The following ANG variants were observed in gnomAD, a reference collection of about 807,000 sequenced individuals.
The protein encoded by ANG is Homo sapiens epididymis luminal protein 168.
For missense variants in ANG, 178 were observed against 187.4 expected, an observed-to-expected ratio of 0.95 and a Z score of 0.29; for synonymous variants, 74 against 73.8, an observed-to-expected ratio of 1.00 and a Z score of -0.02.
upstream of ANG, chr14:20,688,724 T>A: frequency 7.1e-6 from 7 of 985,164 alleles, no homozygotes; most frequent in Non-Finnish European, 7.2e-6. Flanking sequence ...CTGCCAGGAC[T>A]GGGACACTAT....
In ANG at chr14:20,693,538, C is replaced by T. The variant is rs1217696213; in HGVS notation, c.-18-9C>T. 1 of 1,609,678 alleles carries T rather than the reference C, an allele frequency of 6.2e-7. No homozygotes were observed. Among genetic ancestry groups the T allele is most frequent in the South Asian group, 1.1e-5 (1 of 90,982 alleles). On this transcript the variant is annotated splice_polypyrimidine_tract_variant and intron_variant, in intron 1 of 1. Transcript: ENST00000397990. The stretch of plus-strand genomic sequence containing the variant: ...TTGGGTCTACCACACCTCCTTTTGC[C>T]CTCCGCAGGAGCCTGTGTTGGAAGA...
At chr14:20,689,920 A>G (rs1886629536) in intron 1 of ANG, among the ~76,000 whole-genome samples, 1 of 150,700 alleles carries the variant, frequency 6.6e-6, no homozygotes, top group African/African-American at 2.4e-5. Flanking sequence ...TGTCTCAAAA[A>G]AAAAAAAAAA....
At chr14:20,685,600 T>C (rs1158542888), upstream of ANG, among the ~76,000 whole-genome samples, 2 of 152,224 alleles carry the variant, frequency 1.3e-5, no homozygotes, top group East Asian at 3.8e-4. Context: ...TACGCTTCAA[T>C]TCAAGCAATT....
In ANG at chr14:20,693,134, A is replaced by G. The variant is rs369598311; in HGVS notation, c.-18-413A>G. ...AGTGCTGGGATTACAGGCGTGAGCC[A>G]CCGCGCCCGGCCGTCATTTGGTATG... On this transcript the variant is annotated intron_variant, in intron 1 of 1. Coordinates refer to ENST00000397990, the MANE Select transcript of ANG (RefSeq NM_001097577.3). 2.6e-5 allele frequency among the ~76,000 whole-genome samples: 4 copies of G among 152,352 alleles called. No individual in the cohort carries two copies. The East Asian group carries it at 7.7e-4, about 29-fold the overall frequency.
At chr14:20,688,535 C>T (rs893696158), upstream of ANG, 1 of 185,406 alleles carries the variant, frequency 5.4e-6, no homozygotes, top group African/African-American at 2.4e-5. Context: ...CAAGAGTAAG[C>T]ACCACAGACA....
intron 1 of ANG, 63 bp from the exon 2 acceptor site, chr14:20,693,484 C>T (rs1886911925): frequency 6.3e-7 from 1 of 1,595,002 alleles, no homozygotes; most frequent in Non-Finnish European, 8.5e-7. Context: ...AAGCTCCTGT[C>T]CTTTTGGCCT....
Position 20,693,629 on chromosome 14 carries a change from C to T in ANG, c.65C>T (p.Thr22Ile), listed in dbSNP as rs762965174. The T allele has an allele frequency of 1.9e-6, 3 of 1,614,084 alleles. No homozygotes were observed. Among genetic ancestry groups the T allele is most frequent in the Non-Finnish European group, 2.5e-6 (3 of 1,180,028 alleles). Residue 22 changes from threonine to isoleucine, a missense_variant, in exon 2 of 2, where the codon ACC (threonine) becomes ATC (isoleucine). By Grantham distance (89) the Thr-to-Ile change is moderately conservative (BLOSUM62 -1). Coordinates refer to ENST00000397990, the MANE Select transcript of ANG (RefSeq NM_001097577.3). ...CTGGGTCTGGGTCTGACCCCACCGA[C>T]CCTGGCTCAGGATAACTCCAGGTAC... is the stretch of plus-strand genomic sequence containing the variant. The part of the protein sequence containing the change: ...FVLGLGLTPP[T>I]LAQDNSRYTH...
chr14:20,685,515 A>G (rs1382187400), upstream of ANG, among the ~76,000 whole-genome samples: 1 of 152,232 alleles, frequency 6.6e-6, no homozygotes, highest in African/African-American at 2.4e-5. Flanking sequence ...CCTTCCCAGA[A>G]GCAGCCTCAG....
chr14:20,687,846 T>C (rs766302021), upstream of ANG, among the ~76,000 whole-genome samples: 2 of 152,192 alleles, frequency 1.3e-5, no homozygotes, highest in Non-Finnish European at 2.9e-5. Context: ...GACTGAATAC[T>C]TGGCAGCTAG....
rs1886957344 is a variant in ANG, at chr14:20,693,888, T to C, written c.324T>C (p.His108=). 2.5e-6 allele frequency: 4 copies of C among 1,614,146 alleles called. No individual in the cohort carries two copies. The highest frequency in any genetic ancestry group is 3.4e-6 in the Non-Finnish European group (4 of 1,180,020). Reference sequence around the variant, plus strand: ...TCCAGGTCACCACTTGCAAGCTACATGGAGGTTCCCCCTGGCCTCCATGCC... The same window carrying C: ...TCCAGGTCACCACTTGCAAGCTACACGGAGGTTCCCCCTGGCCTCCATGCC... The part of the protein sequence containing the change: ...SSFQVTTCKL[H]GGSPWPPCQY... The change falls in exon 2 of 2, where the codon CAT becomes CAC. Residue 108 remains histidine, a synonymous_variant. Transcript: ENST00000397990.
chr14:20,685,098 A>G (rs573061421), upstream of ANG, among the ~76,000 whole-genome samples: 40 of 152,332 alleles, frequency 2.6e-4, no homozygotes, highest in East Asian at 7.1e-3. Context: ...CTAGTTATTC[A>G]GGCTAATCAC....
intron 1 of ANG, among the ~76,000 whole-genome samples, chr14:20,691,118 A>G (rs1021359925): frequency 6.6e-6 from 1 of 152,230 alleles, no homozygotes; most frequent in African/African-American, 2.4e-5. Flanking sequence ...TTCTGTGAAC[A>G]GCAATATCCC....
At chr14:20,689,233 G>C (rs1045823485) in intron 1 of ANG, among the ~76,000 whole-genome samples, 1 of 152,208 alleles carries the variant, frequency 6.6e-6, no homozygotes, top group Non-Finnish European at 1.5e-5. Flanking sequence ...TATGTTTTTA[G>C]CATTGTTTCC....
rs1404006719 is a variant in ANG, at chr14:20,693,569, T to C, written c.5T>C (p.Val2Ala). Residue 2 changes from valine to alanine, a missense_variant, in exon 2 of 2, where the codon GTG (valine) becomes GCG (alanine). Val to Ala is a moderately conservative substitution (Grantham distance 64). Coordinates refer to ENST00000397990, the MANE Select transcript of ANG (RefSeq NM_001097577.3). Reference protein sequence around the residue: MVMGLGVLLLVF... With the variant: MAMGLGVLLLVF... ...CAGGAGCCTGTGTTGGAAGAGATGG[T>C]GATGGGCCTGGGCGTTTTGTTGTTG... The C allele has an allele frequency of 6.2e-7, 1 of 1,612,408 alleles. No individual in the cohort carries two copies. Among genetic ancestry groups the C allele is most frequent in the Non-Finnish European group, 8.5e-7 (1 of 1,180,020 alleles).
upstream of ANG, among the ~76,000 whole-genome samples, chr14:20,686,188 C>A (rs1886418646): frequency 6.6e-6 from 1 of 152,142 alleles, no homozygotes; most frequent in Non-Finnish European, 1.5e-5. Flanking sequence ...TCAGAGGCCC[C>A]TCCCACTCTT....
upstream of ANG, among the ~76,000 whole-genome samples, chr14:20,687,558 G>GC (rs999792252): frequency 3.3e-5 from 5 of 152,200 alleles, no homozygotes; most frequent in Admixed American, 1.3e-4. Context: ...CTTGAGCTAA[G>GC]CCTGGAAAGA....
Position 20,688,774 on chromosome 14 carries a change from C to T in ANG, c.-119C>T, listed in dbSNP as rs182965303. The T allele has an allele frequency of 1.5e-5, 15 of 985,368 alleles. No individual in the cohort carries two copies. The East Asian group carries it at 6.8e-4, about 45-fold the overall frequency. The allele number at this position is 985,368 out of a possible 1,614,324, so 61.0% of individuals were successfully genotyped here. ...ATATAATCAGAACCTGGAGAGGCCT[C>T]CAGGTTCACACAACTGGAACCCATC... On this transcript the variant is annotated 5_prime_UTR_variant, in exon 1 of 2. Coordinates refer to ENST00000397990, the MANE Select transcript of ANG (RefSeq NM_001097577.3).
Position 20,693,090 on chromosome 14 carries a change from G to T in ANG, c.-18-457G>T, listed in dbSNP as rs371879733. On this transcript the variant is annotated intron_variant, in intron 1 of 1. Coordinates refer to ENST00000397990, the MANE Select transcript of ANG (RefSeq NM_001097577.3). ...TCTCGATCTCCTGACCTCGTGATCCGCCCGCCTTGGCCTCCCAAAGTGCTG... is the reference window on the plus strand; with the variant it reads ...TCTCGATCTCCTGACCTCGTGATCCTCCCGCCTTGGCCTCCCAAAGTGCTG... Among the ~76,000 whole-genome samples the T allele has an allele frequency of 3.1e-4, 47 of 151,864 alleles. No homozygotes were observed. The East Asian group carries it at 8.5e-3, about 28-fold the overall frequency.
chr14:20,688,339 G>A (rs890177672), upstream of ANG, among the ~76,000 whole-genome samples: 5 of 152,190 alleles, frequency 3.3e-5, no homozygotes, highest in African/African-American at 9.7e-5. Context: ...GATGTGATAC[G>A]ATAAATAGGA....
Sources: allele counts gnomAD v4.1 joint callset (sites outside exome capture counted in the v4.1 genomes callset), GRCh38; gene constraint gnomAD v4.1.1; transcripts MANE v1.5; gene names NCBI Gene and HGNC (gene_info 2026-07-23, HGNC 2026-07-21).